Variants in USP37 observed in about 807,000 individuals in gnomAD.
USP37 encodes ubiquitin specific peptidase 37.
Under a neutral mutation model 124.0 loss-of-function variants are expected in USP37, and 27 were observed. That is an observed-to-expected ratio of 0.22 (90% CI 0.16 to 0.30). USP37 has a LOEUF of 0.30. Among genes scored for constraint, USP37 ranks in the 10% least tolerant of loss-of-function variants. The probability of loss-of-function intolerance (pLI) is 1.00; values close to 1 mark genes in which losing one functional copy is unlikely to be tolerated. For missense variants in USP37, 889 were observed against 1,140.4 expected (o/e 0.78, Z 3.17); for synonymous variants, 365 against 388.0 (o/e 0.94, Z 0.70).
chr2:218,494,624 T>C (rs1401329963), intron 14 of USP37, among the ~76,000 whole-genome samples: 1 of 152,202 alleles, frequency 6.6e-6, no homozygotes, highest in Non-Finnish European at 1.5e-5. Context: ...TGTGAGTCAA[T>C]AATTCTGCAT....
chr2:218,470,750 T>C (rs937212332), intron 20 of USP37, among the ~76,000 whole-genome samples: 3 of 152,204 alleles, frequency 2.0e-5, no homozygotes, highest in African/African-American at 7.2e-5. Context: ...GTCTAGAGAC[T>C]GTAAAACCTT....
At chr2:218,463,891 C>G (rs1208415028) in intron 21 of USP37, among the ~76,000 whole-genome samples, 1 of 128,114 alleles carries the variant, frequency 7.8e-6, no homozygotes, top group Non-Finnish European at 1.6e-5. Context: ...GAGTCTTGCT[C>G]TGTTGGCAGG....
intron 9 of USP37, 126 bp downstream of exon 9, chr2:218,534,483 C>T (rs914779174): frequency 1.3e-4 from 53 of 395,436 alleles, no homozygotes; most frequent in Admixed American, 2.5e-4. Flanking sequence ...AGCAAGACTC[C>T]GTCTCAAAAA....
chr2:218,557,391 T>C (rs1030227330), intron 4 of USP37, among the ~76,000 whole-genome samples: 6 of 152,070 alleles, frequency 3.9e-5, no homozygotes, highest in Non-Finnish European at 7.4e-5. Flanking sequence ...ACCCTTTCTT[T>C]TGATGAGGCG....
At chr2:218,503,825 A>G (rs1689526578) in intron 11 of USP37, among the ~76,000 whole-genome samples, 1 of 152,180 alleles carries the variant, frequency 6.6e-6, no homozygotes, top group South Asian at 2.1e-4. Context: ...AAGAAAGAAA[A>G]GAGAAAAAAG....
chr2:218,476,760 T>G (rs1316098216), intron 19 of USP37, 80 bp downstream of exon 19: 1 of 1,424,452 alleles, frequency 7.0e-7, no homozygotes, highest in East Asian at 2.5e-5. Flanking sequence ...ATTAGTTTGA[T>G]GATGGTTATG....
intron 21 of USP37, among the ~76,000 whole-genome samples, chr2:218,463,853 GAT>G (rs1491226782): frequency 0.011 from 1,440 of 129,222 alleles, 44 homozygotes; most frequent in Admixed American, 0.016. Context: ...TATTTTTTAA[GAT>G]TTTTTTTTTT....
chr2:218,519,870 T>G (rs1690508963), intron 10 of USP37, among the ~76,000 whole-genome samples: 1 of 151,912 alleles, frequency 6.6e-6, no homozygotes, highest in Non-Finnish European at 1.5e-5. Flanking sequence ...CCCAAAGTGC[T>G]GGGATTACAG....
intron 21 of USP37, among the ~76,000 whole-genome samples, chr2:218,464,111 C>T (rs1374428874): frequency 6.6e-6 from 1 of 152,054 alleles, no homozygotes; most frequent in East Asian, 1.9e-4. Flanking sequence ...CCTGCCTCAG[C>T]CTCCCAAAGT....
chr2:218,516,567 C>G (rs1034257461), intron 10 of USP37, among the ~76,000 whole-genome samples: 13 of 152,062 alleles, frequency 8.5e-5, no homozygotes, highest in Non-Finnish European at 1.8e-4. Flanking sequence ...GGAGGGAGAG[C>G]ATTAGGACAA....
At chr2:218,549,161 G>GT (rs1692528857) in intron 6 of USP37, among the ~76,000 whole-genome samples, 2 of 152,122 alleles carry the variant, frequency 1.3e-5, no homozygotes, top group East Asian at 3.9e-4. Flanking sequence ...AAGGACATAT[G>GT]TAAGTCAAAA....
intron 6 of USP37, 40 bp downstream of exon 6, chr2:218,549,769 T>C: frequency 6.3e-7 from 1 of 1,589,124 alleles, no homozygotes; most frequent in Non-Finnish European, 8.6e-7. Flanking sequence ...TGGCCAACTA[T>C]CATTTTTTTT....
intron 10 of USP37, among the ~76,000 whole-genome samples, chr2:218,521,093 G>T (rs1016547174): frequency 5.3e-5 from 8 of 152,138 alleles, no homozygotes; most frequent in African/African-American, 1.7e-4. Context: ...CTGACCATGT[G>T]AAGTGCTGGC....
At chr2:218,508,858 C>G (rs1689824191) in intron 11 of USP37, among the ~76,000 whole-genome samples, 1 of 152,124 alleles carries the variant, frequency 6.6e-6, no homozygotes, top group South Asian at 2.1e-4. Context: ...AGCCATTTGG[C>G]AAATACCACT....
intron 17 of USP37, among the ~76,000 whole-genome samples, chr2:218,480,649 C>T (rs1485130991): frequency 6.6e-6 from 1 of 152,162 alleles, no homozygotes; most frequent in Non-Finnish European, 1.5e-5. Context: ...ATATTATTAC[C>T]TCATTTAATG....
At chr2:218,470,820 G>T (rs756553739) in intron 20 of USP37, among the ~76,000 whole-genome samples, 26 of 152,280 alleles carry the variant, frequency 1.7e-4, no homozygotes, top group Non-Finnish European at 3.1e-4. Flanking sequence ...TTAAGTCACA[G>T]ATATTTATTG....
chr2:218,559,173 T>C (rs1693183708), intron 3 of USP37, among the ~76,000 whole-genome samples: 1 of 152,040 alleles, frequency 6.6e-6, no homozygotes, highest in East Asian at 1.9e-4. Flanking sequence ...TAGCCAGGCA[T>C]GGTGATACAC....
chr2:218,480,806 G>GT (rs1231805797), intron 17 of USP37, among the ~76,000 whole-genome samples: 1 of 152,186 alleles, frequency 6.6e-6, no homozygotes. Flanking sequence ...GCCAGCAAGA[G>GT]TAATAGCTCT....
In USP37 at chr2:218,455,776, G is replaced by A. The variant is rs1044220481; in HGVS notation, c.2714-58C>T. On this transcript the variant is annotated intron_variant, in intron 24 of 25. Coordinates refer to ENST00000258399, the MANE Select transcript of USP37 (RefSeq NM_020935.3). ...TTAAAAACACACCGAAGCTGGGCGC[G>A]ATGGCTCACGCCTGTAATCTCAGCA... is the stretch of plus-strand genomic sequence containing the variant. 1.2e-4 allele frequency: 194 copies of A among 1,562,394 alleles called. No individual in the cohort carries two copies. In the African/African-American group the frequency reaches 2.0e-3, roughly 16 times the overall value.
Sources: allele counts gnomAD v4.1 joint callset (sites outside exome capture counted in the v4.1 genomes callset), GRCh38; gene constraint gnomAD v4.1.1; transcripts MANE v1.5; gene names NCBI Gene and HGNC (gene_info 2026-07-23, HGNC 2026-07-21).